TARS1: variants seen among roughly 807,000 people sequenced by gnomAD.
The protein encoded by TARS1 is threonine--tRNA ligase 1, cytoplasmic.
A neutral mutation model predicts 97.7 loss-of-function variants in TARS1; 57 were observed. The ratio of observed to expected loss-of-function variants is 0.58; its 90% confidence interval spans 0.47 to 0.73. The LOEUF (loss-of-function observed/expected upper bound fraction) is 0.73, where lower values mean the gene tolerates loss of function less well. TARS1 is among the 30% of genes least tolerant of loss of function. The pLI is 0.00. For missense variants in TARS1, 806 were observed against 888.3 expected, an observed-to-expected ratio of 0.91 and a Z score of 1.18; for synonymous variants, 312 against 293.7, an observed-to-expected ratio of 1.06 and a Z score of -0.64.
intron 16 of TARS1, 80 bp downstream of exon 16, chr5:33,462,283 G>C: frequency 8.0e-7 from 1 of 1,243,454 alleles, no homozygotes; most frequent in East Asian, 2.3e-5. Context: ...TTAATTATCA[G>C]ATGGAAAGGG....
chr5:33,454,112 A>AT (rs751382758), intron 4 of TARS1, among the ~76,000 whole-genome samples: 1 of 152,260 alleles, frequency 6.6e-6, no homozygotes, highest in African/African-American at 2.4e-5. Context: ...TAATTTCTGT[A>AT]TTTTTTTCTC....
At chr5:33,459,669 A>T (rs1742197470) in intron 10 of TARS1, 26 bp from the exon 11 acceptor site, 1 of 1,612,406 alleles carries the variant, frequency 6.2e-7, no homozygotes, top group Admixed American at 1.7e-5. Context: ...ATTTGCCTAC[A>T]CATGTTTCTG....
chr5:33,454,959 T>C lies in TARS1; in HGVS notation c.468T>C (p.Ser156=), dbSNP rs1033943231. 5 of 1,613,780 alleles carry C rather than the reference T, an allele frequency of 3.1e-6. No individual in the cohort carries two copies. The African/African-American group carries it at 5.3e-5, about 17-fold the overall frequency. The change falls in exon 5 of 19, where the codon TCT becomes TCC. Residue 156 remains serine, a synonymous_variant. Coordinates refer to ENST00000265112, the MANE Select transcript of TARS1 (RefSeq NM_152295.5). ...TAAATTTTCAGGTGTATTGGCACTC[T>C]AGTGCTCACATAATGGGTGAAGCCA... The part of the protein sequence containing the change: ...DEEAQAVYWH[S]SAHIMGEAME...
At chr5:33,458,001 A>T (rs935399465) in intron 9 of TARS1, among the ~76,000 whole-genome samples, 1 of 152,166 alleles carries the variant, frequency 6.6e-6, no homozygotes, top group Non-Finnish European at 1.5e-5. Flanking sequence ...CATTCCAGCT[A>T]TGAGGCAGCC....
chr5:33,455,644 A>T lies in TARS1; in HGVS notation c.633A>T (p.Lys211Asn). 6.2e-7 allele frequency: 1 copy of T among 1,613,286 alleles called. No homozygotes were observed. The highest frequency in any genetic ancestry group is 8.5e-7 in the Non-Finnish European group (1 of 1,179,444). The change falls in exon 6 of 19, where the codon AAA becomes AAT. Residue 211 changes from lysine to asparagine, a missense_variant. By Grantham distance (94) the Lys-to-Asn change is moderately conservative. This residue lies in a region of TARS1 where 356 missense variants were observed against 357.8 expected (regional missense o/e 0.99). Coordinates refer to ENST00000265112, the MANE Select transcript of TARS1 (RefSeq NM_152295.5). ...AGGCTTTGTGTAAGAAAATCATTAA[A>T]GAAAAACAAGCTTTTGAAAGACTGG... ...SLEALCKKII[K>N]EKQAFERLEV...
At chr5:33,447,076 A>G (rs1021980832) in intron 2 of TARS1, among the ~76,000 whole-genome samples, 2 of 152,160 alleles carry the variant, frequency 1.3e-5, no homozygotes, top group South Asian at 4.1e-4. Flanking sequence ...TTTGGGGCCA[A>G]AATGCGCTGT....
chr5:33,445,217 TAAA>T, intron 1 of TARS1, 104 bp from the exon 2 acceptor site: 1 of 837,626 alleles, frequency 1.2e-6, no homozygotes. Context: ...CCATTTTTTT[TAAA>T]TTAAATAACA....
At chr5:33,447,373 A>G (rs1159805537) in intron 2 of TARS1, among the ~76,000 whole-genome samples, 20 of 152,128 alleles carry the variant, frequency 1.3e-4, no homozygotes, top group Admixed American at 1.3e-3. Context: ...CAGCCCCACA[A>G]GTAGCTGGGA....
chr5:33,441,016 C>T lies in TARS1; in HGVS notation c.-71C>T, dbSNP rs1005772005. On this transcript the variant is annotated 5_prime_UTR_variant, in exon 1 of 19. Transcript: ENST00000265112. Reference sequence around the variant, plus strand: ...CCAAGTCCCGGGCGCTAGCCCACCTCCCACCCGCCTCTTGGCTCCTCTCCT... The same window carrying T: ...CCAAGTCCCGGGCGCTAGCCCACCTTCCACCCGCCTCTTGGCTCCTCTCCT... 3.4e-5 allele frequency: 54 copies of T among 1,601,594 alleles called. No individual in the cohort carries two copies. Among genetic ancestry groups the T allele is most frequent in the Non-Finnish European group, 4.6e-5 (54 of 1,170,058 alleles).
At chr5:33,461,543 G>A in intron 13 of TARS1, 124 bp from the exon 14 acceptor site, 1 of 1,093,976 alleles carries the variant, frequency 9.1e-7, no homozygotes, top group East Asian at 2.5e-5. Context: ...TGTTCAGGTG[G>A]ACAAAATTCT....
At chr5:33,456,276 T>A in intron 8 of TARS1, 49 bp downstream of exon 8, 3 of 1,402,134 alleles carry the variant, frequency 2.1e-6, no homozygotes, top group Non-Finnish European at 3.0e-6. Flanking sequence ...CTAGAATAGA[T>A]ATATGTTTAA....
intron 5 of TARS1, 122 bp from the exon 6 acceptor site, chr5:33,455,465 T>C: frequency 6.9e-6 from 4 of 579,038 alleles, no homozygotes; most frequent in Non-Finnish European, 8.9e-6. Context: ...TACGATGCAA[T>C]AGTCTAATTT....
intron 2 of TARS1, among the ~76,000 whole-genome samples, chr5:33,447,396 G>A (rs758958985): frequency 3.3e-5 from 5 of 152,034 alleles, no homozygotes; most frequent in Non-Finnish European, 5.9e-5. Flanking sequence ...ACAGGTGTGC[G>A]CCACCACACC....
rs982842830 is a variant in TARS1, at chr5:33,452,325, C to G, written c.330-964C>G. ...TTAGATGTATAATCTGGCTCACCTA[C>G]TCAACTCTGCTCTAGTCACACAGCT... On this transcript the variant is annotated intron_variant, in intron 3 of 18. Transcript: ENST00000265112. The G allele has an allele frequency of 9.8e-6, 15 of 1,530,598 alleles. No homozygotes were observed. In the Admixed American group the frequency reaches 1.6e-4, roughly 16 times the overall value. The allele number at this position is 1,530,598 out of a possible 1,614,324, so 94.8% of individuals were successfully genotyped here.
At chr5:33,442,480 T>A (rs1257281375) in intron 1 of TARS1, among the ~76,000 whole-genome samples, 7 of 152,224 alleles carry the variant, frequency 4.6e-5, no homozygotes, top group Non-Finnish European at 1.0e-4. Context: ...TAATATTTAT[T>A]TTGAGTACTA....
chr5:33,456,366 C>G, intron 8 of TARS1, 139 bp downstream of exon 8: 1 of 700,318 alleles, frequency 1.4e-6, no homozygotes. Flanking sequence ...TAACTGGGAG[C>G]TGTATGCCAT....
At chr5:33,464,848 C>T (rs1245503413) in intron 17 of TARS1, among the ~76,000 whole-genome samples, 3 of 151,850 alleles carry the variant, frequency 2.0e-5, no homozygotes, top group South Asian at 2.1e-4. Context: ...GAGGCCGAGG[C>T]GGGTGGATCA....
At chr5:33,445,243 A>G (rs1027957564) in intron 1 of TARS1, 81 bp from the exon 2 acceptor site, 2 of 1,032,726 alleles carry the variant, frequency 1.9e-6, no homozygotes, top group South Asian at 1.6e-5. Flanking sequence ...TACTAAAATA[A>G]CATTCTCAAC....
At chr5:33,458,888 G>C (rs1411739044) in intron 10 of TARS1, among the ~76,000 whole-genome samples, 1 of 152,142 alleles carries the variant, frequency 6.6e-6, no homozygotes, top group Non-Finnish European at 1.5e-5. Context: ...CCTTGACATA[G>C]GAGCTCTGTG....
Sources: allele counts gnomAD v4.1 joint callset (sites outside exome capture counted in the v4.1 genomes callset), GRCh38; gene constraint gnomAD v4.1.1; regional missense constraint gnomAD v4.1.1; transcripts MANE v1.5; gene names NCBI Gene and HGNC (gene_info 2026-07-23, HGNC 2026-07-21).